Variants in CLPTM1L observed in about 807,000 individuals in gnomAD.
CLPTM1L encodes the protein lipid scramblase CLPTM1L.
In CLPTM1L, 38 loss-of-function variants were observed where a neutral mutation model predicts 70.9. That is an observed-to-expected ratio of 0.54 (90% CI 0.41 to 0.70). CLPTM1L has a LOEUF of 0.70. CLPTM1L is among the 30% of genes least tolerant of loss of function. CLPTM1L has a pLI of 0.00. For synonymous variants in CLPTM1L, 339 were observed against 299.9 expected (o/e 1.13, Z -1.35); for missense variants, 652 against 705.9 (o/e 0.92, Z 0.87).
At chr5:1,331,683 GCACA>G (rs1753101326) in intron 8 of CLPTM1L, 112 bp downstream of exon 8, 4 of 867,282 alleles carry the variant, frequency 4.6e-6, no homozygotes. Flanking sequence ...CAAGAGCCAA[GCACA>G]CACCCGGGGC....
chr5:1,343,634 T>TAAA (rs1754087805), intron 2 of CLPTM1L, among the ~76,000 whole-genome samples: 2 of 152,130 alleles, frequency 1.3e-5, no homozygotes, highest in Non-Finnish European at 2.9e-5. Flanking sequence ...GGAACTGGCT[T>TAAA]GAGGTCACAG....
In CLPTM1L at chr5:1,344,854, C is replaced by T; in HGVS notation, c.-13G>A. On this transcript the variant is annotated 5_prime_UTR_variant, in exon 1 of 17. Coordinates refer to ENST00000320895, the MANE Select transcript of CLPTM1L (RefSeq NM_030782.5). ...GGCCGCTCCACATGGCGGCCCCGCG[C>T]CCGGCGCCCCCGGCCCGCCCGCCTC... The T allele has an allele frequency of 1.4e-6, 2 of 1,443,260 alleles. No individual in the cohort carries two copies. The highest frequency in any genetic ancestry group is 3.1e-5 in the East Asian group (1 of 32,318). 89.4% of individuals were successfully genotyped at this position (1,443,260 alleles called of 1,614,324 possible).
At chr5:1,332,208 T>C in intron 7 of CLPTM1L, 1 of 333,472 alleles carries the variant, frequency 3.0e-6, no homozygotes, top group Non-Finnish European at 5.7e-6. Context: ...GCTCTCGGGT[T>C]GTGCCCACTC....
At chr5:1,326,260 C>T (rs899967785) in intron 9 of CLPTM1L, 6 of 255,770 alleles carry the variant, frequency 2.3e-5, no homozygotes, top group South Asian at 1.5e-4. Context: ...GTGACTCGTA[C>T]CTATGGAGGG....
In CLPTM1L at chr5:1,335,139, G is replaced by T. The variant is rs758332047; in HGVS notation, c.714C>A (p.Thr238=). 2.0e-5 allele frequency: 32 copies of T among 1,613,756 alleles called. No homozygotes were observed. The highest frequency in any genetic ancestry group is 2.7e-5 in the Non-Finnish European group (32 of 1,180,016). Residue 238 remains threonine, a synonymous_variant, in exon 6 of 17, where the codon ACC becomes ACA. Transcript: ENST00000320895. ...INRSTTELPL[T]VSYDKVSLGR... ...CCAGTGAGACCTTGTCGTAGGACAC[G>T]GTGAGGGGCAGCTCGGTGGTGGAGC...
intron 9 of CLPTM1L, among the ~76,000 whole-genome samples, chr5:1,329,654 T>C: frequency 8.7e-6 from 1 of 114,784 alleles, no homozygotes; most frequent in Non-Finnish European, 1.8e-5. Context: ...GCCTCAGGAC[T>C]CTCTGCCTGG....
At chr5:1,340,509 T>C (rs796224023) in intron 3 of CLPTM1L, among the ~76,000 whole-genome samples, 9 of 152,290 alleles carry the variant, frequency 5.9e-5, no homozygotes, top group African/African-American at 2.2e-4. Context: ...CTCCTCACAT[T>C]TGCTACCTGC....
In CLPTM1L at chr5:1,334,398, A is replaced by G; in HGVS notation, c.797-15T>C. 1 of 1,530,272 alleles carries G rather than the reference A, an allele frequency of 6.5e-7. No individual in the cohort carries two copies. Among genetic ancestry groups the G allele is most frequent in the Admixed American group, 1.7e-5 (1 of 59,470 alleles). The allele number at this position is 1,530,272 out of a possible 1,614,324, so 94.8% of individuals were successfully genotyped here. A position where few individuals can be genotyped will look rare whatever the true frequency, so the allele number is the denominator to read the frequency against. ...CTCTGAAAACCCTGTCAAGGAAAAAAAAACATACAATATAAAACAGGCAAT... is the reference window on the plus strand; with the variant it reads ...CTCTGAAAACCCTGTCAAGGAAAAAGAAACATACAATATAAAACAGGCAAT... On this transcript the variant is annotated splice_polypyrimidine_tract_variant and intron_variant, in intron 6 of 16. Transcript: ENST00000320895.
At chr5:1,344,255 T>C in intron 2 of CLPTM1L, 96 bp downstream of exon 2, 1 of 859,662 alleles carries the variant, frequency 1.2e-6, no homozygotes, top group Non-Finnish European at 1.9e-6. Context: ...ACTAGTTCTC[T>C]AAAATAAACA....
rs552616298 is a variant in CLPTM1L, at chr5:1,343,505, A to T, written c.263+846T>A. Among the ~76,000 whole-genome samples the T allele has an allele frequency of 2.3e-4, 35 of 152,366 alleles. No homozygotes were observed. The East Asian group carries it at 6.4e-3, about 28-fold the overall frequency. On this transcript the variant is annotated intron_variant, in intron 2 of 16. Transcript: ENST00000320895. ...AAGAGGCAGTATTCATGTCTGGGAA[A>T]TTAAACCCAGTGCAGATGAATCCTG... is the stretch of plus-strand genomic sequence containing the variant.
rs745436773 is a variant in CLPTM1L at position 1,341,774 on chromosome 5, G to A, written c.350C>T (p.Pro117Leu). ...YIFLHHAGVL[P>L]WHDGKQVHLV... Reference sequence around the variant, plus strand: ...GTGCACCTGCTTCCCGTCGTGCCACGGCAGGACCCCAGCGTGATGGAGGAA... The same window carrying A: ...GTGCACCTGCTTCCCGTCGTGCCACAGCAGGACCCCAGCGTGATGGAGGAA... The change falls in exon 3 of 17, where the codon CCG (proline) becomes CTG (leucine). Residue 117 changes from proline to leucine, a missense_variant. By Grantham distance (98) the Pro-to-Leu change is moderately conservative. This residue lies in a region of CLPTM1L where 402 missense variants were observed against 388.2 expected (regional missense o/e 1.04). Coordinates refer to ENST00000320895, the MANE Select transcript of CLPTM1L (RefSeq NM_030782.5). 13 of 1,613,990 alleles carry A rather than the reference G, an allele frequency of 8.1e-6. No individual in the cohort carries two copies. Among genetic ancestry groups the A allele is most frequent in the Admixed American group, 5.0e-5 (3 of 60,010 alleles).
chr5:1,321,837 G>A lies in CLPTM1L; in HGVS notation c.1316-18C>T. 6.2e-7 allele frequency: 1 copy of A among 1,611,186 alleles called. No homozygotes were observed. ...ATAGACCCCTGCAGAAAGACAGACA[G>A]CACTCACGAGGTGCGGAGGGCCGGG... On this transcript the variant is annotated intron_variant, in intron 13 of 16. Transcript: ENST00000320895.
chr5:1,338,292 T>C (rs1164600102), intron 4 of CLPTM1L: 2 of 433,580 alleles, frequency 4.6e-6, no homozygotes, highest in Non-Finnish European at 8.5e-6. Context: ...CTCTGCGCAC[T>C]GACACGGAGC....
chr5:1,340,482 C>T (rs1753871353), intron 3 of CLPTM1L, among the ~76,000 whole-genome samples: 2 of 152,234 alleles, frequency 1.3e-5, no homozygotes, highest in Non-Finnish European at 2.9e-5. Flanking sequence ...ATTTACATTA[C>T]AAACGGTTTT....
At chr5:1,329,009 C>G (rs1230997047) in intron 9 of CLPTM1L, among the ~76,000 whole-genome samples, 1 of 152,112 alleles carries the variant, frequency 6.6e-6, no homozygotes, top group Non-Finnish European at 1.5e-5. Context: ...TTGCATCCAG[C>G]TCCTCCTCTA....
rs781107007 is a variant in CLPTM1L at position 1,341,683 on chromosome 5, C to T, written c.441G>A (p.Glu147=). ...KPEEINLLTG[E]SDTQQIEAEK... is the part of the protein sequence containing the mutation. ...TGAAGACCCTCACCTGTGTATCAGA[C>T]TCCCCGGTGAGCAGGTTGATTTCTT... The change falls in exon 3 of 17, where the codon GAG becomes GAA. Residue 147 remains glutamate, a synonymous_variant. Transcript: ENST00000320895. 6.2e-7 allele frequency: 1 copy of T among 1,607,800 alleles called. No individual in the cohort carries two copies. The highest frequency in any genetic ancestry group is 8.5e-7 in the Non-Finnish European group (1 of 1,174,942).
chr5:1,327,614 GCTC>G (rs1752701206), intron 9 of CLPTM1L, among the ~76,000 whole-genome samples: 1 of 149,084 alleles, frequency 6.7e-6, no homozygotes, highest in Non-Finnish European at 1.5e-5. Context: ...ATTTCATCCA[GCTC>G]CTCCTCTACA....
Position 1,345,022 on chromosome 5 carries a change from C to A in CLPTM1L, c.-181G>T. ...CAGACCGCCGGCCGCCCCGCATGCT[C>A]CGGCCCCGCTCCCACCTGGCGCCGC... On this transcript the variant is annotated 5_prime_UTR_variant, in exon 1 of 17. Coordinates refer to ENST00000320895, the MANE Select transcript of CLPTM1L (RefSeq NM_030782.5). The A allele has an allele frequency of 5.2e-6, 1 of 192,402 alleles. No homozygotes were observed. The highest frequency in any genetic ancestry group is 1.6e-4 in the South Asian group (1 of 6,408). The allele number at this position is 192,402 out of a possible 1,614,324, so 11.9% of individuals were successfully genotyped here.
At position 1,324,763 on chromosome 5, in the gene CLPTM1L, C is replaced by G. The variant is rs746284054; in HGVS notation, c.1197G>C (p.Gln399His). ...GTGCCCTGAATCACAAGTGACTTAC[C>G]TGAGTATCGTACTCCTCGGTTTTCC... ...SERKTEEYDT[Q>H]AMKYLSYLLY... is the part of the protein sequence containing the mutation. The change falls in exon 11 of 17, where the codon CAG becomes CAC. Residue 399 changes from glutamine to histidine, a missense_variant and splice_region_variant. This residue lies in a region of CLPTM1L where 240 missense variants were observed against 295.0 expected (regional missense o/e 0.81). Coordinates refer to ENST00000320895, the MANE Select transcript of CLPTM1L (RefSeq NM_030782.5). 6.2e-7 allele frequency: 1 copy of G among 1,614,068 alleles called. No homozygotes were observed. Among genetic ancestry groups the G allele is most frequent in the East Asian group, 2.2e-5 (1 of 44,882 alleles).
Sources: gnomAD v4.1 joint callset for allele counts (sites outside exome capture counted in the v4.1 genomes callset) on GRCh38, gnomAD v4.1.1 for gene constraint, gnomAD v4.1.1 regional missense constraint, MANE v1.5 for transcripts, NCBI Gene and HGNC (gene_info 2026-07-23, HGNC 2026-07-21) for gene names.